The following DCLK1 variants were observed in gnomAD, a reference collection of about 807,000 sequenced individuals.
DCLK1 encodes serine/threonine-protein kinase DCLK1.
Under a neutral mutation model 86.2 loss-of-function variants are expected in DCLK1, and 16 were observed. That is an observed-to-expected ratio of 0.19 (90% confidence interval 0.13 to 0.28). The LOEUF (loss-of-function observed/expected upper bound fraction) is 0.28. Among genes scored for constraint, DCLK1 ranks in the 10% least tolerant of loss-of-function variants. The pLI is 1.00. For synonymous variants in DCLK1, 369 were observed against 370.5 expected (o/e 1.00, Z 0.05); for missense variants, 590 against 940.2 (o/e 0.63, Z 4.87).
intron 3 of DCLK1, among the ~76,000 whole-genome samples, chr13:36,032,826 A>G (rs1882339377): frequency 6.6e-6 from 1 of 152,198 alleles, no homozygotes; most frequent in African/African-American, 2.4e-5. Context: ...ACTTCCTTTT[A>G]TCGCAAATGC....
chr13:36,092,635 C>T (rs1003700367), intron 3 of DCLK1, among the ~76,000 whole-genome samples: 84 of 150,748 alleles, frequency 5.6e-4, no homozygotes, highest in Non-Finnish European at 8.1e-4. Flanking sequence ...TACAGGCGCC[C>T]GCCACCACGC....
At chr13:36,047,722 AT>A (rs201676751) in intron 3 of DCLK1, among the ~76,000 whole-genome samples, 2,280 of 152,038 alleles carry the variant, frequency 0.015, 25 homozygotes, top group Non-Finnish European at 0.026. Flanking sequence ...AAGATACAAA[AT>A]TTCAGTTAGG....
chr13:35,806,708 G>T (rs2087034766), intron 14 of DCLK1, among the ~76,000 whole-genome samples: 1 of 152,316 alleles, frequency 6.6e-6, no homozygotes, highest in Middle Eastern at 3.4e-3. Flanking sequence ...GATGCCCTTT[G>T]CAGGTGCTAT....
At chr13:35,908,269 T>C (rs1460387931) in intron 4 of DCLK1, among the ~76,000 whole-genome samples, 2 of 152,194 alleles carry the variant, frequency 1.3e-5, no homozygotes, top group African/African-American at 4.8e-5. Context: ...GGCATAGATA[T>C]TAGGAAACAA....
At chr13:35,921,505 G>A (rs1166460216) in intron 4 of DCLK1, among the ~76,000 whole-genome samples, 3 of 152,150 alleles carry the variant, frequency 2.0e-5, no homozygotes, top group African/African-American at 7.2e-5. Context: ...GATCCACAAT[G>A]CATGGTCTCA....
intron 16 of DCLK1, among the ~76,000 whole-genome samples, chr13:35,786,154 G>A (rs1256935009): frequency 6.6e-6 from 1 of 152,148 alleles, no homozygotes; most frequent in Non-Finnish European, 1.5e-5. Flanking sequence ...TTAGTTAAAT[G>A]GCCTTTTTAT....
intron 4 of DCLK1, among the ~76,000 whole-genome samples, chr13:35,903,675 G>A (rs191571949): frequency 2.0e-5 from 3 of 150,888 alleles, no homozygotes; most frequent in African/African-American, 7.3e-5. Flanking sequence ...ACACACGAAT[G>A]TTCTACAACA....
At chr13:36,059,517 A>G (rs989947462) in intron 3 of DCLK1, among the ~76,000 whole-genome samples, 1 of 152,140 alleles carries the variant, frequency 6.6e-6, no homozygotes, top group Non-Finnish European at 1.5e-5. Flanking sequence ...ACTAAACCCC[A>G]CTGGCCAACT....
At chr13:35,818,431 G>A (rs945618672) in intron 11 of DCLK1, among the ~76,000 whole-genome samples, 2 of 152,194 alleles carry the variant, frequency 1.3e-5, no homozygotes, top group Non-Finnish European at 2.9e-5. Context: ...TGAGTTGCAC[G>A]TGTCATTTTG....
At chr13:35,910,454 T>C (rs1003168833) in intron 4 of DCLK1, among the ~76,000 whole-genome samples, 3 of 152,244 alleles carry the variant, frequency 2.0e-5, no homozygotes, top group African/African-American at 7.2e-5. Context: ...TTGTGCCTAA[T>C]AGAAATGAGA....
chr13:36,090,071 C>T (rs1884763235), intron 3 of DCLK1, among the ~76,000 whole-genome samples: 1 of 152,176 alleles, frequency 6.6e-6, no homozygotes, highest in Admixed American at 6.5e-5. Flanking sequence ...CTACGACATG[C>T]CCTCCAATAC....
chr13:35,949,637 T>G (rs1877557238), intron 3 of DCLK1, among the ~76,000 whole-genome samples: 1 of 152,214 alleles, frequency 6.6e-6, no homozygotes, highest in Non-Finnish European at 1.5e-5. Flanking sequence ...AACATCTGAT[T>G]GCTAACCACA....
intron 6 of DCLK1, among the ~76,000 whole-genome samples, chr13:35,841,282 G>T (rs1869773885): frequency 6.6e-6 from 1 of 152,190 alleles, no homozygotes; most frequent in South Asian, 2.1e-4. Context: ...CCAAAAGCTT[G>T]TTCTTTTAGT....
chr13:35,965,313 G>A (rs1358773736), intron 3 of DCLK1, among the ~76,000 whole-genome samples: 5 of 152,166 alleles, frequency 3.3e-5, no homozygotes, highest in African/African-American at 7.2e-5. Flanking sequence ...CTGGGCATGC[G>A]TTGGCCATTT....
intron 2 of DCLK1, among the ~76,000 whole-genome samples, chr13:36,120,802 T>C (rs1272632170): frequency 6.7e-6 from 1 of 149,086 alleles, no homozygotes; most frequent in Non-Finnish European, 1.5e-5. Flanking sequence ...AAAAACTGTA[T>C]GAGAAGACAT....
At chr13:35,962,871 G>C (rs1287997149) in intron 3 of DCLK1, among the ~76,000 whole-genome samples, 1 of 152,156 alleles carries the variant, frequency 6.6e-6, no homozygotes, top group East Asian at 1.9e-4. Flanking sequence ...AGAGTTGTTT[G>C]TACAGACCCT....
intron 3 of DCLK1, among the ~76,000 whole-genome samples, chr13:36,013,003 C>T (rs1176522957): frequency 1.3e-5 from 1 of 77,844 alleles, no homozygotes. Flanking sequence ...GATACCCTTT[C>T]TTCCAGTTGA....
At chr13:35,988,747 T>C (rs929337042) in intron 3 of DCLK1, among the ~76,000 whole-genome samples, 2 of 152,188 alleles carry the variant, frequency 1.3e-5, no homozygotes, top group African/African-American at 4.8e-5. Context: ...AATAGCAGTT[T>C]CCATGGAGAT....
At chr13:35,800,284 C>T (rs1013130556) in intron 15 of DCLK1, among the ~76,000 whole-genome samples, 1 of 152,212 alleles carries the variant, frequency 6.6e-6, no homozygotes, top group Non-Finnish European at 1.5e-5. Context: ...CTATATGATC[C>T]TTTTCCCATC....
Sources: gnomAD v4.1 joint callset for allele counts (sites outside exome capture counted in the v4.1 genomes callset) on GRCh38, gnomAD v4.1.1 for gene constraint, MANE v1.5 for transcripts, NCBI Gene and HGNC (gene_info 2026-07-23, HGNC 2026-07-21) for gene names.